Variants in ST6GALNAC3 observed in about 807,000 individuals in gnomAD.
ST6GALNAC3 encodes the protein alpha-N-acetylgalactosaminide alpha-2,6-sialyltransferase 3.
ST6GALNAC3 carries 25 observed loss-of-function variants against 32.7 expected under a neutral mutation model. That is an observed-to-expected ratio of 0.76 (90% confidence interval 0.56 to 1.07). ST6GALNAC3 has a LOEUF of 1.07. Ranked by LOEUF, ST6GALNAC3 falls within the 50% of genes least tolerant of loss-of-function variation. The pLI, the probability that ST6GALNAC3 is intolerant of heterozygous loss-of-function variation, is 0.00. For synonymous variants in ST6GALNAC3, 129 were observed against 133.1 expected (o/e 0.97, Z 0.21); for missense variants, 355 against 382.4 (o/e 0.93, Z 0.60).
intron 1 of ST6GALNAC3, among the ~76,000 whole-genome samples, chr1:76,091,664 A>G (rs1044137303): frequency 6.6e-6 from 1 of 152,154 alleles, no homozygotes; most frequent in Admixed American, 6.5e-5. Flanking sequence ...CTGTGTTTAG[A>G]TATGTTTAGA....
intron 1 of ST6GALNAC3, among the ~76,000 whole-genome samples, chr1:76,246,115 G>C (rs1657243011): frequency 6.6e-6 from 1 of 152,132 alleles, no homozygotes; most frequent in Admixed American, 6.5e-5. Context: ...TGTATATTTA[G>C]GATAGTTAGC....
chr1:76,570,883 A>G (rs1665820235), intron 3 of ST6GALNAC3, among the ~76,000 whole-genome samples: 1 of 151,946 alleles, frequency 6.6e-6, no homozygotes. Flanking sequence ...CCATGTCCTT[A>G]GGTGCCACTT....
At chr1:76,341,625 C>CTT (rs946441466) in intron 2 of ST6GALNAC3, among the ~76,000 whole-genome samples, 1 of 126,126 alleles carries the variant, frequency 7.9e-6, no homozygotes, top group Non-Finnish European at 1.6e-5. Flanking sequence ...TTCTTTCTTT[C>CTT]TTTCTTTCTT....
chr1:76,533,431 T>C (rs946726312), intron 3 of ST6GALNAC3, among the ~76,000 whole-genome samples: 7 of 152,152 alleles, frequency 4.6e-5, no homozygotes, highest in African/African-American at 1.7e-4. Context: ...TCCTTCTTTC[T>C]GAGGTTGCTG....
At chr1:76,570,716 G>T (rs575350463) in intron 3 of ST6GALNAC3, among the ~76,000 whole-genome samples, 163 of 152,168 alleles carry the variant, frequency 1.1e-3, no homozygotes, top group Non-Finnish European at 1.9e-3. Flanking sequence ...ATATCTCCTT[G>T]TCAAAGTGTT....
intron 2 of ST6GALNAC3, among the ~76,000 whole-genome samples, chr1:76,347,171 T>C (rs1002261291): frequency 6.6e-6 from 1 of 152,142 alleles, no homozygotes; most frequent in African/African-American, 2.4e-5. Flanking sequence ...TGTTAGCATG[T>C]AGAAAATTAA....
intron 3 of ST6GALNAC3, among the ~76,000 whole-genome samples, chr1:76,513,611 C>T (rs1343773452): frequency 7.9e-5 from 12 of 151,898 alleles, no homozygotes; most frequent in East Asian, 5.8e-4. Flanking sequence ...TTAGCTATGT[C>T]GGGCCTTTTG....
Position 76,342,361 on chromosome 1 carries a change from T to C in ST6GALNAC3, c.213+28362T>C, listed in dbSNP as rs562808318. Reference sequence around the variant, plus strand: ...AGCATTCGTATTTCTCCACATCCTCTCCAGCATCTGTTGTTTCCTGACTTT... The same window carrying C: ...AGCATTCGTATTTCTCCACATCCTCCCCAGCATCTGTTGTTTCCTGACTTT... On this transcript the variant is annotated intron_variant, in intron 2 of 4. Transcript: ENST00000328299. Among the ~76,000 whole-genome samples, 921 of 152,194 alleles carry C rather than the reference T, an allele frequency of 6.1e-3. 4 individuals are homozygous for C. Among genetic ancestry groups the C allele is most frequent in the African/African-American group, 0.021 (874 of 41,508 alleles).
chr1:76,074,904 G>A lies in ST6GALNAC3; in HGVS notation c.18+20G>A. On this transcript the variant is annotated intron_variant, in intron 1 of 4. Transcript: ENST00000328299. ...CTGAAGGTAACGACTTGGATCTGTG[G>A]CTCGGACGCGTGGTTGGCCAGCCCC... The A allele has an allele frequency of 6.3e-7, 1 of 1,585,736 alleles. No homozygotes were observed. The highest frequency in any genetic ancestry group is 1.2e-5 in the South Asian group (1 of 86,704).
rs1184242556 is a variant in ST6GALNAC3 at position 76,212,173 on chromosome 1, A to C, written c.19-101632A>C. 2.0e-5 allele frequency among the ~76,000 whole-genome samples: 3 copies of C among 152,180 alleles called. No individual in the cohort carries two copies. In the East Asian group the frequency reaches 5.8e-4, roughly 29 times the overall value. ...TTAAAGACTTCATTTCCATCCTCAG[A>C]AAAACATTCCATTTAGCAATAATTA... On this transcript the variant is annotated intron_variant, in intron 1 of 4. Coordinates refer to ENST00000328299, the MANE Select transcript of ST6GALNAC3 (RefSeq NM_152996.4).
chr1:76,547,819 T>C (rs962782885), intron 3 of ST6GALNAC3, among the ~76,000 whole-genome samples: 2 of 146,168 alleles, frequency 1.4e-5, no homozygotes, highest in Admixed American at 7.0e-5. Context: ...ATCGCGCCAC[T>C]GCACTGCACT....
chr1:76,529,718 T>C lies in ST6GALNAC3; in HGVS notation c.624-97734T>C, dbSNP rs140381558. On this transcript the variant is annotated intron_variant, in intron 3 of 4. Transcript: ENST00000328299. ...AAAAGATACACAGTAAAATGCAAAA[T>C]ATTACAGGAAGATTGAGGGACAGCA... 3.9e-5 allele frequency among the ~76,000 whole-genome samples: 6 copies of C among 152,216 alleles called. No homozygotes were observed. In the East Asian group the frequency reaches 7.7e-4, roughly 20 times the overall value.
In ST6GALNAC3 at chr1:76,323,307, C is replaced by G. The variant is rs3904691; in HGVS notation, c.213+9308C>G. On this transcript the variant is annotated intron_variant, in intron 2 of 4. Coordinates refer to ENST00000328299, the MANE Select transcript of ST6GALNAC3 (RefSeq NM_152996.4). ...AAATAAATAAATAAAATTGTAATAC[C>G]TCAGTGGTTAGGTTAAATGACAGTC... Among the ~76,000 whole-genome samples the G allele has an allele frequency of 3.3e-5, 5 of 151,964 alleles. No homozygotes were observed. The East Asian group carries it at 9.7e-4, about 29-fold the overall frequency.
At chr1:76,219,615 G>A (rs1047807222) in intron 1 of ST6GALNAC3, among the ~76,000 whole-genome samples, 1 of 152,234 alleles carries the variant, frequency 6.6e-6, no homozygotes, top group East Asian at 1.9e-4. Context: ...GCGATCAGGG[G>A]CCCTAAATGG....
At chr1:76,505,217 G>A (rs952541892) in intron 3 of ST6GALNAC3, among the ~76,000 whole-genome samples, 6 of 151,542 alleles carry the variant, frequency 4.0e-5, no homozygotes, top group African/African-American at 1.2e-4. Flanking sequence ...TCTGCCTCCC[G>A]GGTTCAAGCA....
At chr1:76,588,555 A>G (rs377767025) in intron 3 of ST6GALNAC3, among the ~76,000 whole-genome samples, 9 of 152,342 alleles carry the variant, frequency 5.9e-5, no homozygotes, top group African/African-American at 2.2e-4. Flanking sequence ...TTGCCTGTGT[A>G]TCCTTAAATC....
chr1:76,245,576 A>G (rs533533398), intron 1 of ST6GALNAC3, among the ~76,000 whole-genome samples: 3 of 152,102 alleles, frequency 2.0e-5, no homozygotes, highest in African/African-American at 7.2e-5. Context: ...TAATGGTATA[A>G]ATTTCCCTCT....
chr1:76,335,954 T>C (rs1255859975), intron 2 of ST6GALNAC3, among the ~76,000 whole-genome samples: 1 of 152,184 alleles, frequency 6.6e-6, no homozygotes, highest in African/African-American at 2.4e-5. Context: ...TTTTTCCAAT[T>C]TGGGCTCAGC....
intron 1 of ST6GALNAC3, among the ~76,000 whole-genome samples, chr1:76,306,561 TAG>T (rs35140220): frequency 0.21 from 32,000 of 151,638 alleles, 3,829 homozygotes; most frequent in East Asian, 0.45. Flanking sequence ...ATCAAGGCAA[TAG>T]AGTTTTCATG....
Sources: allele counts gnomAD v4.1 joint callset (sites outside exome capture counted in the v4.1 genomes callset), GRCh38; gene constraint gnomAD v4.1.1; transcripts MANE v1.5; gene names NCBI Gene and HGNC (gene_info 2026-07-23, HGNC 2026-07-21).